KLF12: variants seen among roughly 807,000 people sequenced by gnomAD.
KLF12 encodes KLF transcription factor 12.
In KLF12, 9 loss-of-function variants were observed where a neutral mutation model predicts 37.8. The observed-to-expected ratio is 0.24, with a 90% confidence interval of 0.14 to 0.42. The LOEUF is 0.42. Ranked by LOEUF, KLF12 falls within the 10% of genes least tolerant of loss-of-function variation. KLF12 has a pLI of 1.00. For synonymous variants in KLF12, 208 were observed against 202.1 expected, an observed-to-expected ratio of 1.03 and a Z score of -0.25; for missense variants, 411 against 516.0, an observed-to-expected ratio of 0.80 and a Z score of 1.97.
At chr13:74,245,184 A>G in the KLF12 span, among the ~76,000 whole-genome samples, 11 of 152,340 alleles carry the variant, frequency 7.2e-5, no homozygotes, top group East Asian at 2.1e-3. Flanking sequence ...ATACAAGAAA[A>G]GAAGAAGGTT....
At chr13:73,965,257 A>G (rs1212450702) in intron 2 of KLF12, among the ~76,000 whole-genome samples, 1 of 152,220 alleles carries the variant, frequency 6.6e-6, no homozygotes, top group Non-Finnish European at 1.5e-5. Context: ...CACCATTAAA[A>G]ATACATTATC....
intron 7 of KLF12, among the ~76,000 whole-genome samples, chr13:73,697,305 T>C (rs190894586): frequency 6.6e-6 from 1 of 152,328 alleles, no homozygotes; most frequent in Non-Finnish European, 1.5e-5. Flanking sequence ...AGTTCAGGCC[T>C]GTTAAATCTA....
At chr13:73,961,637 C>T (rs1891024389) in intron 2 of KLF12, among the ~76,000 whole-genome samples, 1 of 152,098 alleles carries the variant, frequency 6.6e-6, no homozygotes, top group Admixed American at 6.5e-5. Flanking sequence ...GTAAAATCTG[C>T]AATCTTACCT....
chr13:73,715,992 C>T (rs2137684723), intron 6 of KLF12, among the ~76,000 whole-genome samples: 1 of 152,304 alleles, frequency 6.6e-6, no homozygotes, highest in South Asian at 2.1e-4. Context: ...TGTAAAATCA[C>T]AAGGTACATT....
intron 3 of KLF12, among the ~76,000 whole-genome samples, chr13:73,890,890 C>T (rs989504143): frequency 1.3e-5 from 2 of 152,014 alleles, no homozygotes; most frequent in Non-Finnish European, 2.9e-5. Context: ...TTCACTGGAG[C>T]CCTTGTGGTA....
At chr13:74,001,511 A>G (rs1271124005) in intron 1 of KLF12, among the ~76,000 whole-genome samples, 1 of 152,232 alleles carries the variant, frequency 6.6e-6, no homozygotes, top group Non-Finnish European at 1.5e-5. Context: ...TTTAGATACT[A>G]GAGATCTATG....
At chr13:74,036,095 G>A (rs982463732) in intron 1 of KLF12, among the ~76,000 whole-genome samples, 7 of 152,058 alleles carry the variant, frequency 4.6e-5, no homozygotes, top group African/African-American at 1.7e-4. Context: ...CTATCCGCAA[G>A]GCCTAGCATT....
intron 5 of KLF12, among the ~76,000 whole-genome samples, chr13:73,799,370 C>T (rs1594104595): frequency 6.6e-6 from 1 of 151,958 alleles, no homozygotes; most frequent in Non-Finnish European, 1.5e-5. Context: ...ATGAGTTTAC[C>T]TATGTAACAA....
chr13:74,087,880 A>T (rs942405695), intron 1 of KLF12, among the ~76,000 whole-genome samples: 17 of 152,160 alleles, frequency 1.1e-4, no homozygotes, highest in African/African-American at 3.4e-4. Flanking sequence ...AGCCCAACTG[A>T]TGTACACACA....
chr13:74,221,702 A>G, the KLF12 span, among the ~76,000 whole-genome samples: 22 of 152,222 alleles, frequency 1.4e-4, no homozygotes, highest in South Asian at 4.2e-3. Flanking sequence ...ACTTCCTTTT[A>G]TATTTAAGTG....
At chr13:74,200,606 T>G in the KLF12 span, among the ~76,000 whole-genome samples, 9 of 152,066 alleles carry the variant, frequency 5.9e-5, no homozygotes, top group African/African-American at 1.9e-4. Context: ...ATCTTCCGAT[T>G]GCCCAAGTCA....
chr13:73,805,642 G>GGAAGGA (rs1882545522), intron 5 of KLF12, among the ~76,000 whole-genome samples: 1 of 39,350 alleles, frequency 2.5e-5, no homozygotes, highest in Non-Finnish European at 4.5e-5. Context: ...GGGAGGGAGG[G>GGAAGGA]AGGGAGGGAG....
intron 1 of KLF12, among the ~76,000 whole-genome samples, chr13:74,038,990 A>G (rs1407500285): frequency 6.6e-6 from 1 of 151,772 alleles, no homozygotes; most frequent in African/African-American, 2.4e-5. Context: ...AGCCATTACT[A>G]TTTTTTTAAT....
At chr13:73,912,192 G>A (rs140647163) in intron 3 of KLF12, among the ~76,000 whole-genome samples, 3 of 151,772 alleles carry the variant, frequency 2.0e-5, no homozygotes, top group African/African-American at 7.3e-5. Context: ...TCTTCAATAG[G>A]CCATTAAAAA....
At chr13:73,781,807 AT>A (rs1880983767) in intron 5 of KLF12, among the ~76,000 whole-genome samples, 1 of 152,220 alleles carries the variant, frequency 6.6e-6, no homozygotes. Context: ...AAAACTGCCT[AT>A]TACCAAGCAG....
chr13:74,094,656 G>A (rs1391407642), intron 1 of KLF12, among the ~76,000 whole-genome samples: 2 of 151,512 alleles, frequency 1.3e-5, no homozygotes, highest in East Asian at 3.9e-4. Context: ...CTGGAGGGCA[G>A]CGGCCCCACC....
At chr13:73,920,563 C>T (rs961170672) in intron 3 of KLF12, among the ~76,000 whole-genome samples, 4 of 152,092 alleles carry the variant, frequency 2.6e-5, no homozygotes, top group African/African-American at 9.7e-5. Flanking sequence ...CCCTCCTGTC[C>T]ACAGAATTCT....
At chr13:73,967,976 C>T (rs1220769647) in intron 2 of KLF12, among the ~76,000 whole-genome samples, 1 of 152,174 alleles carries the variant, frequency 6.6e-6, no homozygotes, top group Non-Finnish European at 1.5e-5. Flanking sequence ...GTCTGTCAGG[C>T]TACTACTTCT....
the KLF12 span, among the ~76,000 whole-genome samples, chr13:74,155,319 A>AT: frequency 6.6e-6 from 1 of 151,984 alleles, no homozygotes; most frequent in Non-Finnish European, 1.5e-5. Context: ...TAAGTCAGTT[A>AT]TATATAGCTC....
Sources: allele counts gnomAD v4.1 joint callset (sites outside exome capture counted in the v4.1 genomes callset), GRCh38; gene constraint gnomAD v4.1.1; transcripts MANE v1.5; gene names NCBI Gene and HGNC (gene_info 2026-07-23, HGNC 2026-07-21).